TBC1D32: variants seen among roughly 807,000 people sequenced by gnomAD.
TBC1D32 encodes the protein TBC1 domain family member 32.
Under a neutral mutation model 170.3 loss-of-function variants are expected in TBC1D32, and 151 were observed. That is an observed-to-expected ratio of 0.89 (90% confidence interval 0.78 to 1.01). TBC1D32 has a LOEUF of 1.01. Ranked by LOEUF, TBC1D32 falls within the 50% of genes least tolerant of loss-of-function variation. The pLI, the probability that TBC1D32 is intolerant of heterozygous loss-of-function variation, is 0.00. For synonymous variants in TBC1D32, 498 were observed against 488.0 expected (o/e 1.02, Z -0.27); for missense variants, 1,464 against 1,457.1 (o/e 1.00, Z -0.08).
chr6:121,181,725 TAA>T (rs1455711609), intron 22 of TBC1D32, among the ~76,000 whole-genome samples: 27 of 152,136 alleles, frequency 1.8e-4, no homozygotes, highest in Admixed American at 7.9e-4. Context: ...GGAATCAGCC[TAA>T]GTGTCCATCA....
chr6:121,283,860 A>G lies in TBC1D32; in HGVS notation c.1423T>C (p.Tyr475His). 1 of 1,611,526 alleles carries G rather than the reference A, an allele frequency of 6.2e-7. No homozygotes were observed. Among genetic ancestry groups the G allele is most frequent in the Non-Finnish European group, 8.5e-7 (1 of 1,178,544 alleles). Residue 475 changes from tyrosine to histidine, a missense_variant, in exon 13 of 32, where the codon TAC (tyrosine) becomes CAC (histidine). Around this residue, in one of 3 missense-constraint regions of TBC1D32, gnomAD observed 1,363 missense variants for 1,338.1 expected, o/e 1.02. Coordinates refer to ENST00000398212, the MANE Select transcript of TBC1D32 (RefSeq NM_152730.6). ...GTCATCTTTGGACAACTTGGTGAGT[A>G]ATAGATAAGTTGGGTAAAAAGAACA... Reference protein sequence around the residue: ...LLVLFTQLIYYSPSCPKMTSA... With the variant: ...LLVLFTQLIYHSPSCPKMTSA...
chr6:121,174,567 T>A (rs747862783), intron 22 of TBC1D32, among the ~76,000 whole-genome samples: 11 of 152,100 alleles, frequency 7.2e-5, no homozygotes, highest in Non-Finnish European at 1.3e-4. Flanking sequence ...GTTCCAGACA[T>A]AGCTGCAGCA....
chr6:121,171,602 C>T (rs1583061376), intron 22 of TBC1D32, among the ~76,000 whole-genome samples: 1 of 151,928 alleles, frequency 6.6e-6, no homozygotes, highest in East Asian at 1.9e-4. Context: ...CAGATATTTG[C>T]AGGTCTAACA....
At chr6:121,134,426 C>T (rs757250108) in intron 24 of TBC1D32, among the ~76,000 whole-genome samples, 1 of 152,074 alleles carries the variant, frequency 6.6e-6, no homozygotes, top group African/African-American at 2.4e-5. Flanking sequence ...ACACAAGGCA[C>T]TATAATTGTA....
At chr6:121,160,709 C>T (rs1201324080) in intron 23 of TBC1D32, among the ~76,000 whole-genome samples, 2 of 152,122 alleles carry the variant, frequency 1.3e-5, no homozygotes, top group Non-Finnish European at 2.9e-5. Flanking sequence ...TAAAACAATA[C>T]CTACTCTACT....
In TBC1D32 at chr6:121,242,359, G is replaced by C; in HGVS notation, c.2019-20C>G. 1 of 1,607,632 alleles carries C rather than the reference G, an allele frequency of 6.2e-7. No individual in the cohort carries two copies. The highest frequency in any genetic ancestry group is 2.2e-5 in the East Asian group (1 of 44,648). ...GCCATACTGAAATAGGTAAAAGAAAGGTAGAGCTTTCTTTAAGATACTAAA... is the reference window on the plus strand; with the variant it reads ...GCCATACTGAAATAGGTAAAAGAAACGTAGAGCTTTCTTTAAGATACTAAA... On this transcript the variant is annotated intron_variant, in intron 17 of 31. Coordinates refer to ENST00000398212, the MANE Select transcript of TBC1D32 (RefSeq NM_152730.6).
chr6:121,208,729 G>GA (rs57771111), intron 21 of TBC1D32, among the ~76,000 whole-genome samples: 2,258 of 86,900 alleles, frequency 0.026, 118 homozygotes, highest in African/African-American at 0.074. Context: ...GAAACACCTG[G>GA]AAAAAAAAAA....
chr6:121,286,740 G>C (rs1026600821), intron 12 of TBC1D32, among the ~76,000 whole-genome samples: 40 of 152,244 alleles, frequency 2.6e-4, no homozygotes, highest in Admixed American at 4.6e-4. Flanking sequence ...AAATGTAAAG[G>C]GCAGCCAGAG....
intron 4 of TBC1D32, among the ~76,000 whole-genome samples, chr6:121,309,600 T>TA (rs527515173): frequency 1.1e-4 from 17 of 149,898 alleles, no homozygotes; most frequent in East Asian, 3.9e-4. Context: ...AGGCTTAGGT[T>TA]AAAAAAAAAA....
chr6:121,258,281 C>T (rs948931494), intron 15 of TBC1D32, among the ~76,000 whole-genome samples: 7 of 151,964 alleles, frequency 4.6e-5, no homozygotes, highest in African/African-American at 1.7e-4. Context: ...TTTTTTTTAA[C>T]CTTAGAATAT....
chr6:121,123,906 G>A (rs369544308), intron 26 of TBC1D32, among the ~76,000 whole-genome samples: 2 of 150,384 alleles, frequency 1.3e-5, no homozygotes, highest in African/African-American at 4.9e-5. Context: ...GGCTTACAAA[G>A]CCTTCCTATA....
At chr6:121,334,241 G>GT (rs1811580415) in intron 1 of TBC1D32, 35 bp downstream of exon 1, 16 of 1,590,216 alleles carry the variant, frequency 1.0e-5, no homozygotes, top group Non-Finnish European at 1.4e-5. Context: ...CTGGATCGAT[G>GT]GTTTATAGGC....
intron 24 of TBC1D32, among the ~76,000 whole-genome samples, chr6:121,146,299 A>C (rs1783441058): frequency 6.6e-6 from 1 of 152,210 alleles, no homozygotes; most frequent in East Asian, 1.9e-4. Context: ...GAACTGCTAG[A>C]AGCAAAATCT....
At chr6:121,314,029 G>GAA (rs1346864830) in intron 3 of TBC1D32, among the ~76,000 whole-genome samples, 1 of 152,028 alleles carries the variant, frequency 6.6e-6, no homozygotes, top group Non-Finnish European at 1.5e-5. Flanking sequence ...ACCCAATAAG[G>GAA]AAAAAAACCT....
At chr6:121,083,908 T>G (rs1027226887) in intron 31 of TBC1D32, among the ~76,000 whole-genome samples, 2 of 152,136 alleles carry the variant, frequency 1.3e-5, no homozygotes, top group African/African-American at 4.8e-5. Flanking sequence ...ATTTGGTCCC[T>G]GTCTCATCTC....
At chr6:121,252,749 A>G (rs1798463363) in intron 17 of TBC1D32, among the ~76,000 whole-genome samples, 1 of 152,064 alleles carries the variant, frequency 6.6e-6, no homozygotes, top group Non-Finnish European at 1.5e-5. Flanking sequence ...ATAAAAAAAT[A>G]AAAACAGACA....
chr6:121,333,557 AT>A (rs1811472819), intron 1 of TBC1D32, among the ~76,000 whole-genome samples: 2 of 152,182 alleles, frequency 1.3e-5, no homozygotes, highest in African/African-American at 4.8e-5. Context: ...AGAGTGAGTA[AT>A]TCGTGCGGCC....
At chr6:121,306,508 C>A (rs1807343483) in intron 5 of TBC1D32, among the ~76,000 whole-genome samples, 2 of 152,066 alleles carry the variant, frequency 1.3e-5, no homozygotes, top group Non-Finnish European at 2.9e-5. Flanking sequence ...GAACAAAGAG[C>A]AAAATGTAAC....
chr6:121,221,954 A>G lies in TBC1D32; in HGVS notation c.2481+1282T>C, dbSNP rs186267008. On this transcript the variant is annotated intron_variant, in intron 21 of 31. Coordinates refer to ENST00000398212, the MANE Select transcript of TBC1D32 (RefSeq NM_152730.6). ...GTAAAATGCTATCAAAAAGTATCAAATACTTCAGAGAAATATTTCACGAAA... is the reference window on the plus strand; with the variant it reads ...GTAAAATGCTATCAAAAAGTATCAAGTACTTCAGAGAAATATTTCACGAAA... Among the ~76,000 whole-genome samples, 11 of 152,354 alleles carry G rather than the reference A, an allele frequency of 7.2e-5. No homozygotes were observed. The East Asian group carries it at 2.1e-3, about 29-fold the overall frequency.
Sources: allele counts gnomAD v4.1 joint callset (sites outside exome capture counted in the v4.1 genomes callset), GRCh38; gene constraint gnomAD v4.1.1; regional missense constraint gnomAD v4.1.1; transcripts MANE v1.5; gene names NCBI Gene and HGNC (gene_info 2026-07-23, HGNC 2026-07-21).